The following SLA variants were observed in gnomAD, a reference collection of about 807,000 sequenced individuals.
SLA encodes the protein src-like-adapter.
Under a neutral mutation model 30.3 loss-of-function variants are expected in SLA, and 16 were observed. That is an observed-to-expected ratio of 0.53 (90% CI 0.36 to 0.80). The LOEUF (loss-of-function observed/expected upper bound fraction) is 0.80, where lower values mean the gene tolerates loss of function less well. SLA is among the 30% of genes least tolerant of loss of function. The pLI is 0.01. For missense variants in SLA, 310 were observed against 345.2 expected (o/e 0.90, Z 0.81); for synonymous variants, 143 against 137.8 (o/e 1.04, Z -0.26).
intron 5 of SLA, chr8:133,049,214 T>C: frequency 4.4e-6 from 2 of 454,186 alleles, no homozygotes; most frequent in Non-Finnish European, 8.9e-6. Context: ...CTTATTTTCT[T>C]ATCTGTTGAG....
chr8:133,073,392 G>T (rs1315759548), intron 2 of SLA: 2 of 151,908 alleles, frequency 1.3e-5, no homozygotes, highest in African/African-American at 2.4e-5. Flanking sequence ...TTTCGCTATT[G>T]TTGCCCAGGC....
At chr8:133,073,836 G>C (rs1844453032) in intron 2 of SLA, among the ~76,000 whole-genome samples, 1 of 152,104 alleles carries the variant, frequency 6.6e-6, no homozygotes, top group Admixed American at 6.5e-5. Flanking sequence ...CCGTGACTTG[G>C]ACAAGCCACC....
chr8:133,041,793 T>G (rs986182359), intron 7 of SLA, among the ~76,000 whole-genome samples: 9 of 148,988 alleles, frequency 6.0e-5, no homozygotes, highest in Non-Finnish European at 1.2e-4. Flanking sequence ...AGTTTTTTTT[T>G]TTTTTTTTTT....
At chr8:133,043,001 G>T (rs370874142) in intron 7 of SLA, among the ~76,000 whole-genome samples, 86 of 152,120 alleles carry the variant, frequency 5.7e-4, no homozygotes, top group African/African-American at 2.0e-3. Context: ...GCCCATCTGT[G>T]TCTTTAGAGT....
chr8:133,098,351 T>C (rs1007884049), intron 1 of SLA, among the ~76,000 whole-genome samples: 1 of 152,230 alleles, frequency 6.6e-6, no homozygotes, highest in African/African-American at 2.4e-5. Context: ...AAAAGAATGT[T>C]AAAGCAAGAG....
intron 2 of SLA, among the ~76,000 whole-genome samples, chr8:133,067,375 C>G (rs1390122830): frequency 6.6e-6 from 1 of 152,192 alleles, no homozygotes; most frequent in African/African-American, 2.4e-5. Flanking sequence ...GGGGCACTGG[C>G]AAGACCTACA....
Position 133,038,563 on chromosome 8 carries a change from C to T in SLA, c.792G>A (p.Lys264=). The T allele has an allele frequency of 6.2e-7, 1 of 1,614,078 alleles. No individual in the cohort carries two copies. Among genetic ancestry groups the T allele is most frequent in the Middle Eastern group, 1.6e-4 (1 of 6,062 alleles). The part of the protein sequence containing the change: ...ISLMYGGSKR[K]SSFFSSPPYF... The stretch of plus-strand genomic sequence containing the variant: ...AAGGTGGTGATGAGAAGAATGAGCT[C>T]TTTCTCTTGCTGCCACCATACATCA... The change falls in exon 9 of 9, where the codon AAG becomes AAA. Residue 264 remains lysine (K), a synonymous_variant. Transcript: ENST00000338087.
intron 1 of SLA, among the ~76,000 whole-genome samples, chr8:133,090,299 G>A (rs1235931471): frequency 6.6e-6 from 1 of 152,228 alleles, no homozygotes; most frequent in Non-Finnish European, 1.5e-5. Flanking sequence ...GCAGAGAGAA[G>A]CCCTGGGTTT....
chr8:133,085,973 T>A (rs1457872175), intron 1 of SLA, among the ~76,000 whole-genome samples: 1 of 152,170 alleles, frequency 6.6e-6, no homozygotes, highest in Non-Finnish European at 1.5e-5. Flanking sequence ...ACAACCCAAA[T>A]GTTTACCAGC....
chr8:133,039,974 CACACA>C lies in SLA; in HGVS notation c.617+19_617+23del. ...GCATGCACACACACACACACACACA[CACACA>C]TACACACACCATACTCACCTGGACA... is the stretch of plus-strand genomic sequence containing the variant. On this transcript the variant is annotated intron_variant, in intron 8 of 8. Coordinates refer to ENST00000338087, the MANE Select transcript of SLA (RefSeq NM_001045556.3). 6.6e-7 allele frequency: 1 copy of C among 1,524,444 alleles called. No homozygotes were observed. The highest frequency in any genetic ancestry group is 2.5e-5 in the East Asian group (1 of 39,506). The allele number at this position is 1,524,444 out of a possible 1,614,324, so 94.4% of individuals were successfully genotyped here. A position where few individuals can be genotyped will look rare whatever the true frequency, so the allele number is the denominator to read the frequency against.
At chr8:133,098,201 T>A (rs1848722029) in intron 1 of SLA, among the ~76,000 whole-genome samples, 1 of 152,210 alleles carries the variant, frequency 6.6e-6, no homozygotes. Flanking sequence ...TTGTAGTCTC[T>A]AAAACAGGGA....
At chr8:133,067,384 C>T (rs1284280391) in intron 2 of SLA, among the ~76,000 whole-genome samples, 1 of 152,176 alleles carries the variant, frequency 6.6e-6, no homozygotes, top group East Asian at 1.9e-4. Context: ...GCAAGACCTA[C>T]AAGGGCAGGC....
intron 1 of SLA, chr8:133,102,352 C>T: frequency 1.9e-6 from 1 of 521,952 alleles, no homozygotes; most frequent in Non-Finnish European, 3.5e-6. Flanking sequence ...CACGGAGGGA[C>T]AGGAGTGGAG....
chr8:133,048,953 A>G, intron 5 of SLA: 1 of 327,474 alleles, frequency 3.1e-6, no homozygotes, highest in South Asian at 2.4e-5. Flanking sequence ...TGAAGAAGTA[A>G]CTTAGTGTTT....
At chr8:133,056,672 C>T (rs1032509051) in intron 3 of SLA, among the ~76,000 whole-genome samples, 3 of 152,184 alleles carry the variant, frequency 2.0e-5, no homozygotes, top group African/African-American at 4.8e-5. Context: ...GCAGAAGCCT[C>T]GTGGGGCTGT....
intron 1 of SLA, among the ~76,000 whole-genome samples, chr8:133,100,289 C>G (rs1227551720): frequency 6.6e-6 from 1 of 152,188 alleles, no homozygotes; most frequent in Non-Finnish European, 1.5e-5. Context: ...CAGAGGGAAG[C>G]CATATCCCCA....
chr8:133,041,226 C>G (rs959691622), intron 7 of SLA, among the ~76,000 whole-genome samples: 1 of 152,238 alleles, frequency 6.6e-6, no homozygotes, highest in African/African-American at 2.4e-5. Context: ...CAATCCACCA[C>G]CAGGTTTTCG....
intron 1 of SLA, chr8:133,076,780 C>G (rs1254864798): frequency 1.1e-5 from 1 of 94,014 alleles, no homozygotes; most frequent in African/African-American, 4.6e-5. Context: ...AAAAAAAAAA[C>G]AACTGCAAAA....
chr8:133,061,191 G>A (rs1842323366), intron 2 of SLA, among the ~76,000 whole-genome samples: 1 of 152,172 alleles, frequency 6.6e-6, no homozygotes. Flanking sequence ...TGTATTTTTA[G>A]TAGAGATGGG....
Sources: allele counts gnomAD v4.1 joint callset (sites outside exome capture counted in the v4.1 genomes callset), GRCh38; gene constraint gnomAD v4.1.1; transcripts MANE v1.5; gene names NCBI Gene and HGNC (gene_info 2026-07-23, HGNC 2026-07-21).